The following ACTR3B variants were observed in gnomAD, a reference collection of about 807,000 sequenced individuals.
ACTR3B encodes actin related protein 3B.
Under a neutral mutation model 59.0 loss-of-function variants are expected in ACTR3B, and 8 were observed. The ratio of observed to expected loss-of-function variants is 0.14; its 90% CI spans 0.08 to 0.24. The LOEUF is 0.24. Ranked by LOEUF, ACTR3B falls within the 10% of genes least tolerant of loss-of-function variation. ACTR3B has a pLI of 1.00. For synonymous variants in ACTR3B, 148 were observed against 197.9 expected (o/e 0.75, Z 2.12); for missense variants, 245 against 552.3 (o/e 0.44, Z 5.58).
intron 1 of ACTR3B, among the ~76,000 whole-genome samples, chr7:152,779,242 T>A (rs2098144110): frequency 6.6e-6 from 1 of 151,918 alleles, no homozygotes; most frequent in Non-Finnish European, 1.5e-5. Flanking sequence ...CTCTGGAGAT[T>A]CCCATTTAGT....
intron 1 of ACTR3B, among the ~76,000 whole-genome samples, chr7:152,763,514 C>G (rs2098097465): frequency 6.6e-6 from 1 of 151,782 alleles, no homozygotes; most frequent in Non-Finnish European, 1.5e-5. Context: ...ACCTCTGTCT[C>G]CCAGGTTCAG....
intron 9 of ACTR3B, among the ~76,000 whole-genome samples, chr7:152,849,404 C>T (rs1798620398): frequency 6.6e-6 from 1 of 152,276 alleles, no homozygotes; most frequent in South Asian, 2.1e-4. Context: ...GCCCTGGTTC[C>T]CAGCCCTGAA....
intron 1 of ACTR3B, among the ~76,000 whole-genome samples, chr7:152,767,037 C>T (rs1431423452): frequency 6.6e-6 from 1 of 150,944 alleles, no homozygotes; most frequent in South Asian, 2.1e-4. Context: ...ATCCACCTGC[C>T]TCGGCCTCCC....
At chr7:152,843,648 C>T (rs1267593948) in intron 9 of ACTR3B, among the ~76,000 whole-genome samples, 1 of 152,092 alleles carries the variant, frequency 6.6e-6, no homozygotes, top group Non-Finnish European at 1.5e-5. Flanking sequence ...GTTAAAAAAC[C>T]TATTACAGAG....
chr7:152,759,933 GC>G lies in ACTR3B; in HGVS notation c.44+8del. 7.3e-7 allele frequency: 1 copy of G among 1,375,472 alleles called. No individual in the cohort carries two copies. Among genetic ancestry groups the G allele is most frequent in the Non-Finnish European group, 9.5e-7 (1 of 1,055,046 alleles). The allele number at this position is 1,375,472 out of a possible 1,614,324, so 85.2% of individuals were successfully genotyped here. On this transcript the variant is annotated splice_region_variant and intron_variant, in intron 1 of 11. Coordinates refer to ENST00000256001, the MANE Select transcript of ACTR3B (RefSeq NM_020445.6). ...TGGTGGACTGTGGCACCGGGTAAGA[GC>G]AGCTCGGCGCCCACCCCCGCTCCTC...
chr7:152,765,151 T>C, intron 1 of ACTR3B, among the ~76,000 whole-genome samples: 1 of 149,590 alleles, frequency 6.7e-6, no homozygotes, highest in South Asian at 2.2e-4. Context: ...GAGTTTTGCT[T>C]TCATTGTTCA....
At chr7:152,853,932 C>G (rs1218662906) in intron 11 of ACTR3B, among the ~76,000 whole-genome samples, 1 of 151,964 alleles carries the variant, frequency 6.6e-6, no homozygotes, top group Non-Finnish European at 1.5e-5. Context: ...CTGTGTTGGC[C>G]AGGCTGGTCT....
intron 2 of ACTR3B, among the ~76,000 whole-genome samples, chr7:152,786,239 G>A (rs1210926930): frequency 9.0e-6 from 1 of 110,938 alleles, no homozygotes; most frequent in African/African-American, 3.6e-5. Context: ...CTAGGGAAGA[G>A]AGTTAGGCTG....
chr7:152,763,954 C>T (rs990836916), intron 1 of ACTR3B, among the ~76,000 whole-genome samples: 14 of 151,932 alleles, frequency 9.2e-5, no homozygotes, highest in Non-Finnish European at 1.2e-4. Context: ...TTAAATTGTC[C>T]CAGATTTTGC....
At chr7:152,766,941 C>T (rs907673130) in intron 1 of ACTR3B, among the ~76,000 whole-genome samples, 7 of 152,058 alleles carry the variant, frequency 4.6e-5, no homozygotes, top group Non-Finnish European at 5.9e-5. Context: ...TGCATGCCAC[C>T]ACATCGGGCT....
rs190001691 is a variant in ACTR3B at position 152,829,817 on chromosome 7, G to A, written c.951+4695G>A. Among the ~76,000 whole-genome samples the A allele has an allele frequency of 3.3e-5, 5 of 152,292 alleles. No individual in the cohort carries two copies. The East Asian group carries it at 5.8e-4, about 18-fold the overall frequency. ...TCAGCCAGCGTTTAGTAACTTGCAC[G>A]CTTTACTTGAGGGGGAAGCCAGTTT... On this transcript the variant is annotated intron_variant, in intron 9 of 11. Coordinates refer to ENST00000256001, the MANE Select transcript of ACTR3B (RefSeq NM_020445.6).
intron 9 of ACTR3B, among the ~76,000 whole-genome samples, chr7:152,850,850 G>A (rs1163817554): frequency 1.3e-5 from 2 of 152,216 alleles, no homozygotes; most frequent in African/African-American, 2.4e-5. Context: ...AGAGCTGACT[G>A]GGAGGAGTGC....
chr7:152,822,398 A>G (rs1394609580), intron 7 of ACTR3B, among the ~76,000 whole-genome samples: 1 of 152,170 alleles, frequency 6.6e-6, no homozygotes, highest in Admixed American at 6.5e-5. Flanking sequence ...AAGGACACAT[A>G]TCAACACAAA....
intron 7 of ACTR3B, among the ~76,000 whole-genome samples, chr7:152,822,929 C>T (rs529750664): frequency 5.3e-5 from 8 of 152,294 alleles, no homozygotes; most frequent in South Asian, 2.1e-4. Context: ...TAGACAGTGC[C>T]GCACTCGGTA....
chr7:152,846,530 G>A (rs995079840), intron 9 of ACTR3B, among the ~76,000 whole-genome samples: 1 of 133,418 alleles, frequency 7.5e-6, no homozygotes. Flanking sequence ...CCGGGCTGTA[G>A]TGTGTAGTGA....
chr7:152,822,761 T>C (rs1437259948), intron 7 of ACTR3B, among the ~76,000 whole-genome samples: 2 of 152,248 alleles, frequency 1.3e-5, no homozygotes, highest in African/African-American at 4.8e-5. Flanking sequence ...AGGTACACTG[T>C]CTCTAGGCAA....
At chr7:152,822,127 CAG>C (rs1432522357) in intron 7 of ACTR3B, among the ~76,000 whole-genome samples, 2 of 152,218 alleles carry the variant, frequency 1.3e-5, no homozygotes, top group African/African-American at 4.8e-5. Context: ...TCAAAGAACA[CAG>C]GGTTGTGTAG....
intron 2 of ACTR3B, among the ~76,000 whole-genome samples, chr7:152,790,927 T>C (rs2098193540): frequency 6.6e-6 from 1 of 152,174 alleles, no homozygotes; most frequent in African/African-American, 2.4e-5. Context: ...AAAGTAGTCA[T>C]GTCTTTTCTT....
intron 9 of ACTR3B, among the ~76,000 whole-genome samples, chr7:152,844,564 G>A (rs1402519221): frequency 6.6e-6 from 1 of 151,808 alleles, no homozygotes; most frequent in Non-Finnish European, 1.5e-5. Flanking sequence ...TAGATGTAAT[G>A]GTCATTTACC....
Sources: gnomAD v4.1 joint callset for allele counts (sites outside exome capture counted in the v4.1 genomes callset) on GRCh38, gnomAD v4.1.1 for gene constraint, MANE v1.5 for transcripts, NCBI Gene and HGNC (gene_info 2026-07-23, HGNC 2026-07-21) for gene names.